The following PUM1 variants were observed in gnomAD, a reference collection of about 807,000 sequenced individuals.
PUM1 encodes the protein pumilio RNA binding family member 1.
PUM1 carries 13 observed loss-of-function variants against 131.8 expected under a neutral mutation model. The ratio of observed to expected loss-of-function variants is 0.10; its 90% CI spans 0.06 to 0.16. The LOEUF (loss-of-function observed/expected upper bound fraction) is 0.16, where lower values mean the gene tolerates loss of function less well. Ranked by LOEUF, PUM1 falls within the 10% of genes least tolerant of loss-of-function variation. The pLI is 1.00. For missense variants in PUM1, 961 were observed against 1,512.4 expected (o/e 0.64, Z 6.05); for synonymous variants, 509 against 556.5 (o/e 0.91, Z 1.20).
At chr1:30,991,931 G>C (rs372976480) in intron 7 of PUM1, among the ~76,000 whole-genome samples, 52 of 152,324 alleles carry the variant, frequency 3.4e-4, no homozygotes, top group African/African-American at 1.2e-3. Context: ...CCAGATCCTT[G>C]TCTATGCTAT....
intron 3 of PUM1, among the ~76,000 whole-genome samples, chr1:31,014,614 C>A (rs971648073): frequency 3.3e-5 from 5 of 151,808 alleles, no homozygotes; most frequent in Non-Finnish European, 7.4e-5. Flanking sequence ...ATGGTGAAAA[C>A]CTGTCTCTAC....
chr1:30,955,078 C>A (rs1310710591), intron 14 of PUM1, among the ~76,000 whole-genome samples: 3 of 149,838 alleles, frequency 2.0e-5, no homozygotes, highest in East Asian at 2.0e-4. Flanking sequence ...CCAAAAAAAA[C>A]AAACAAACAA....
chr1:31,059,880 CCT>C (rs1319637018), intron 1 of PUM1, among the ~76,000 whole-genome samples: 3 of 151,626 alleles, frequency 2.0e-5, no homozygotes, highest in Admixed American at 6.6e-5. Flanking sequence ...GAGTTTTGCC[CCT>C]GTTGCCCAGG....
chr1:30,942,194 TATATATATATATATATATATATATATATA>T (rs1639472205), intron 18 of PUM1, 71 bp from the exon 19 acceptor site: 6 of 163,698 alleles, frequency 3.7e-5, no homozygotes, highest in African/African-American at 2.2e-4. Context: ...GTATTGTTTA[TATATATATATATATATATATATATATATA>T]TATATATATA....
chr1:31,051,917 T>A (rs1644118583), intron 2 of PUM1, among the ~76,000 whole-genome samples: 1 of 152,072 alleles, frequency 6.6e-6, no homozygotes, highest in Non-Finnish European at 1.5e-5. Flanking sequence ...CACTCTCAAG[T>A]CAAAGACTTG....
intron 3 of PUM1, among the ~76,000 whole-genome samples, chr1:31,009,485 G>GC (rs1298353123): frequency 6.6e-6 from 1 of 151,946 alleles, no homozygotes; most frequent in East Asian, 1.9e-4. Context: ...AAGGAACAGG[G>GC]CCCAGCATGG....
chr1:30,941,053 A>AT (rs1639422211), intron 20 of PUM1, 98 bp downstream of exon 20: 1 of 1,329,694 alleles, frequency 7.5e-7, no homozygotes, highest in Non-Finnish European at 1.0e-6. Context: ...CTTTGAAAAC[A>AT]ACAACAACAA....
intron 2 of PUM1, among the ~76,000 whole-genome samples, chr1:31,048,464 TTTATTTTTA>T (rs1644023974): frequency 6.6e-6 from 1 of 151,208 alleles, no homozygotes; most frequent in South Asian, 2.1e-4. Flanking sequence ...CTTTTTTCTT[TTTATTTTTA>T]TTTTTTTTAT....
intron 21 of PUM1, chr1:30,935,728 A>G (rs1377483907): frequency 2.2e-6 from 1 of 447,646 alleles, no homozygotes; most frequent in Admixed American, 2.4e-5. Context: ...GATTCTCATT[A>G]CCGAACTTTG....
At position 30,965,963 on chromosome 1, in the gene PUM1, A is replaced by C. The variant is rs759114143; in HGVS notation, c.2086+19T>G. ...ATAATTAAAATTCAGTCTTAAGAGC[A>C]TATCAGTCTAATTTCTACCTGCTGT... On this transcript the variant is annotated intron_variant, in intron 13 of 21. Coordinates refer to ENST00000426105, the MANE Select transcript of PUM1 (RefSeq NM_001020658.2). The C allele has an allele frequency of 6.9e-6, 11 of 1,598,344 alleles. No individual in the cohort carries two copies. The East Asian group carries it at 1.3e-4, about 19-fold the overall frequency.
At chr1:31,036,152 C>A (rs1365452466) in intron 2 of PUM1, among the ~76,000 whole-genome samples, 1 of 151,982 alleles carries the variant, frequency 6.6e-6, no homozygotes, top group Non-Finnish European at 1.5e-5. Context: ...TCACTGCAAC[C>A]CCTGCCTCCC....
intron 2 of PUM1, among the ~76,000 whole-genome samples, chr1:31,030,277 A>G (rs1436717420): frequency 6.6e-6 from 1 of 152,082 alleles, no homozygotes; most frequent in African/African-American, 2.4e-5. Flanking sequence ...AATGTTGACT[A>G]CCTGAAGCAG....
chr1:30,965,154 T>C (rs1184112470), intron 13 of PUM1, among the ~76,000 whole-genome samples: 1 of 152,044 alleles, frequency 6.6e-6, no homozygotes, highest in African/African-American at 2.4e-5. Context: ...TATTATAGGA[T>C]AAGGGAGGGT....
At chr1:31,029,156 T>G (rs928781444) in intron 2 of PUM1, among the ~76,000 whole-genome samples, 2 of 152,210 alleles carry the variant, frequency 1.3e-5, no homozygotes, top group African/African-American at 4.8e-5. Flanking sequence ...TAGCTATTTC[T>G]CATACTTTTT....
intron 7 of PUM1, among the ~76,000 whole-genome samples, chr1:30,990,373 C>T (rs56811186): frequency 2.0e-5 from 3 of 151,996 alleles, no homozygotes; most frequent in Non-Finnish European, 2.9e-5. Flanking sequence ...CTATGGAGTT[C>T]TAGGGAGGCA....
intron 2 of PUM1, among the ~76,000 whole-genome samples, chr1:31,056,516 C>G (rs1298639824): frequency 6.6e-6 from 1 of 151,188 alleles, no homozygotes; most frequent in Non-Finnish European, 1.5e-5. Flanking sequence ...CTCCTGACCT[C>G]AGGTGATCCA....
At position 30,932,732 on chromosome 1, in the gene PUM1, TTTTGTTTTTG is replaced by T. The variant is rs1160307466; in HGVS notation, c.*469_*478del. 1 of 150,616 alleles carries T rather than the reference TTTTGTTTTTG, an allele frequency of 6.6e-6. No homozygotes were observed. Among genetic ancestry groups the T allele is most frequent in the African/African-American group, 2.4e-5 (1 of 41,186 alleles). The allele number at this position is 150,616 out of a possible 1,614,324, so 9.3% of individuals were successfully genotyped here. ...ACTACAATTCAAACTTCTCAGGTTTTTTTGTTTTTGTTTGTTTTTTACTAAAATGAGGAGG... is the reference window on the plus strand; with the variant it reads ...ACTACAATTCAAACTTCTCAGGTTTTTTTGTTTTTTACTAAAATGAGGAGG... On this transcript the variant is annotated 3_prime_UTR_variant, in exon 22 of 22. Transcript: ENST00000426105.
chr1:30,961,742 C>G (rs998026372), intron 14 of PUM1, among the ~76,000 whole-genome samples: 8 of 152,018 alleles, frequency 5.3e-5, no homozygotes, highest in African/African-American at 1.7e-4. Flanking sequence ...AAGATCCACA[C>G]GAGATATAGG....
At chr1:31,009,782 A>AAAAAAAACAAAAAAC (rs375044466) in intron 3 of PUM1, among the ~76,000 whole-genome samples, 1 of 125,368 alleles carries the variant, frequency 8.0e-6, no homozygotes, top group African/African-American at 3.3e-5. Flanking sequence ...AAAAAAAAAA[A>AAAAAAAACAAAAAAC]AAAAACAAAA....
Sources: allele counts gnomAD v4.1 joint callset (sites outside exome capture counted in the v4.1 genomes callset), GRCh38; gene constraint gnomAD v4.1.1; transcripts MANE v1.5; gene names NCBI Gene and HGNC (gene_info 2026-07-23, HGNC 2026-07-21).